The following SEPTIN4 variants were observed in gnomAD, a reference collection of about 807,000 sequenced individuals.
SEPTIN4 encodes the protein septin 4.
In SEPTIN4, 52 loss-of-function variants were observed where a neutral mutation model predicts 107.1. The observed-to-expected ratio is 0.49, with a 90% CI of 0.39 to 0.61. SEPTIN4 has a LOEUF of 0.61. Among genes scored for constraint, SEPTIN4 ranks in the 20% least tolerant of loss-of-function variants. SEPTIN4 has a pLI of 0.00. For synonymous variants in SEPTIN4, 417 were observed against 467.0 expected (o/e 0.89, Z 1.38); for missense variants, 1,048 against 1,243.5 (o/e 0.84, Z 2.36).
At position 58,521,497 on chromosome 17, in the gene SEPTIN4, T is replaced by A. The variant is rs767442831; in HGVS notation, c.2571+48A>T. ...AATATAGAATTCTACTCCCTTTTTC[T>A]ACCCGGAAGAAATAAGATAGGAATG... On this transcript the variant is annotated intron_variant, in intron 10 of 13. Transcript: ENST00000672673. The surrounding 1 kb of genome is among the most constrained non-coding windows in gnomAD (Gnocchi z 6.4). 4 of 1,601,630 alleles carry A rather than the reference T, an allele frequency of 2.5e-6. No homozygotes were observed. The Admixed American group carries it at 6.7e-5, about 27-fold the overall frequency.
Position 58,543,055 on chromosome 17 carries a change from T to C in SEPTIN4, c.1132A>G (p.Lys378Glu). The C allele has an allele frequency of 6.2e-7, 1 of 1,611,382 alleles. No individual in the cohort carries two copies. The highest frequency in any genetic ancestry group is 8.5e-7 in the Non-Finnish European group (1 of 1,178,990). The change falls in exon 1 of 14, where the codon AAA becomes GAA. Residue 378 changes from lysine (K) to glutamate (E), a missense_variant. This residue lies in a region of SEPTIN4 where 787 missense variants were observed against 871.8 expected (regional missense o/e 0.90). Transcript: ENST00000672673. Reference protein sequence around the residue: ...PEPIYKQQTQKPPEITYMSQG... With the variant: ...PEPIYKQQTQEPPEITYMSQG... Reference sequence around the variant, plus strand: ...GACATGTAAGTAATTTCTGGGGGTTTTTGGGTTTGCTGTTTATAGATGGGC... The same window carrying C: ...GACATGTAAGTAATTTCTGGGGGTTCTTGGGTTTGCTGTTTATAGATGGGC...
At chr17:58,536,566 A>C (rs2043719254) in intron 3 of SEPTIN4, among the ~76,000 whole-genome samples, 1 of 152,138 alleles carries the variant, frequency 6.6e-6, no homozygotes, top group South Asian at 2.1e-4. Context: ...AATTCCCAGA[A>C]ACAGCCACTG....
At chr17:58,524,109 G>A (rs2042572336) in intron 7 of SEPTIN4, among the ~76,000 whole-genome samples, 1 of 152,140 alleles carries the variant, frequency 6.6e-6, no homozygotes, top group African/African-American at 2.4e-5. Context: ...TCTTAGCACT[G>A]CCTGCCTAAC....
At position 58,526,742 on chromosome 17, in the gene SEPTIN4, G is replaced by A; in HGVS notation, c.1851C>T (p.Leu617=). 6.2e-7 allele frequency: 1 copy of A among 1,611,838 alleles called. No individual in the cohort carries two copies. ...NQQYFCAPAP[L]SPSARPRSPW... ...GGCTGCGGGGCCTGGCAGATGGGCT[G>A]AGAGGGGCTGGGGCACAGAAGTACT... Residue 617 remains leucine (L), a synonymous_variant, in exon 4 of 14, where the codon CTC becomes CTT. Coordinates refer to ENST00000672673, the MANE Select transcript of SEPTIN4 (RefSeq NM_001368771.2).
chr17:58,540,549 C>A, intron 3 of SEPTIN4, 117 bp downstream of exon 3: 1 of 791,044 alleles, frequency 1.3e-6, no homozygotes, highest in African/African-American at 1.8e-5. Flanking sequence ...ATCTGCCCAA[C>A]CATAGGGAGC....
intron 3 of SEPTIN4, chr17:58,527,717 C>T: frequency 2.0e-6 from 1 of 488,204 alleles, no homozygotes; most frequent in Non-Finnish European, 2.7e-6. Context: ...TGGGAGAGAC[C>T]AGGTGAGGGA....
rs1298323279 is a variant in SEPTIN4, at chr17:58,520,448, T to C, written c.2969A>G (p.Lys990Arg). 18 of 1,613,414 alleles carry C rather than the reference T, an allele frequency of 1.1e-5. No homozygotes were observed. The highest frequency in any genetic ancestry group is 1.5e-5 in the Non-Finnish European group (18 of 1,180,040). The change falls in exon 14 of 14, where the codon AAA becomes AGA. Residue 990 changes from lysine (K) to arginine (R), a missense_variant. This residue lies in a region of SEPTIN4 where 261 missense variants were observed against 371.7 expected (regional missense o/e 0.70). Coordinates refer to ENST00000672673, the MANE Select transcript of SEPTIN4 (RefSeq NM_001368771.2). ...RMQEMLHKIQ[K>R]QMKENY ...CAGTTAATAGTTCTCCTTCATCTGTTTTTGTATTTTGTGTAGCATCTCCTG... is the reference window on the plus strand; with the variant it reads ...CAGTTAATAGTTCTCCTTCATCTGTCTTTGTATTTTGTGTAGCATCTCCTG...
chr17:58,521,651 C>CA lies in SEPTIN4; in HGVS notation c.2470-6dup. 1 of 1,614,182 alleles carries CA rather than the reference C, an allele frequency of 6.2e-7. No individual in the cohort carries two copies. The highest frequency in any genetic ancestry group is 8.5e-7 in the Non-Finnish European group (1 of 1,180,010). ...ATGCTCAATCTCCTCCCGGATCTGA[C>CA]AAACAGATGAGGGGCCCACAGTTCT... On this transcript the variant is annotated splice_region_variant and splice_polypyrimidine_tract_variant and intron_variant, in intron 9 of 13. Coordinates refer to ENST00000672673, the MANE Select transcript of SEPTIN4 (RefSeq NM_001368771.2). The surrounding 1 kb of genome is among the most constrained non-coding windows in gnomAD (Gnocchi z 6.4).
Position 58,525,089 on chromosome 17 carries a change from G to A in SEPTIN4, c.2205C>T (p.Asn735=), listed in dbSNP as rs1402336641. The change falls in exon 7 of 14, where the codon AAC becomes AAT. Residue 735 remains asparagine (N), a synonymous_variant. Coordinates refer to ENST00000672673, the MANE Select transcript of SEPTIN4 (RefSeq NM_001368771.2). ...VDTPGFGDAV[N]NTECWKPVAE... Reference sequence around the variant, plus strand: ...TTACTCAGACATACCACTCTGTGTTGTTGACTGCATCCCCAAAACCTGGTG... The same window carrying A: ...TTACTCAGACATACCACTCTGTGTTATTGACTGCATCCCCAAAACCTGGTG... The A allele has an allele frequency of 6.2e-7, 1 of 1,614,192 alleles. No homozygotes were observed. Among genetic ancestry groups the A allele is most frequent in the East Asian group, 2.2e-5 (1 of 44,888 alleles).
chr17:58,526,141 C>T lies in SEPTIN4; in HGVS notation c.2005+79G>A, dbSNP rs975568270. ...CGCTGCTTGCTCCCTGCGACCTATACTCCCTTCCCACTCACGGACACACAC... is the reference window on the plus strand; with the variant it reads ...CGCTGCTTGCTCCCTGCGACCTATATTCCCTTCCCACTCACGGACACACAC... On this transcript the variant is annotated intron_variant, in intron 5 of 13. Coordinates refer to ENST00000672673, the MANE Select transcript of SEPTIN4 (RefSeq NM_001368771.2). 7 of 1,348,592 alleles carry T rather than the reference C, an allele frequency of 5.2e-6. No homozygotes were observed. In the Admixed American group the frequency reaches 8.5e-5, roughly 16 times the overall value. The allele number at this position is 1,348,592 out of a possible 1,614,324, so 83.5% of individuals were successfully genotyped here.
rs1012614729 is a variant in SEPTIN4 at position 58,529,260 on chromosome 17, G to T, written c.1615-2282C>A. The T allele has an allele frequency of 1.9e-6, 3 of 1,610,924 alleles. No homozygotes were observed. The African/African-American group carries it at 4.0e-5, about 22-fold the overall frequency. ...GTTCCTCACACACAGAAACAGCCTTGTTTTGATGCTGTTGTTGTCTGGCTT... is the reference window on the plus strand; with the variant it reads ...GTTCCTCACACACAGAAACAGCCTTTTTTTGATGCTGTTGTTGTCTGGCTT... On this transcript the variant is annotated intron_variant, in intron 3 of 13. Transcript: ENST00000672673.
In SEPTIN4 at chr17:58,543,035, G is replaced by T; in HGVS notation, c.1152C>A (p.Tyr384Ter). 6.2e-7 allele frequency: 1 copy of T among 1,611,058 alleles called. No individual in the cohort carries two copies. The highest frequency in any genetic ancestry group is 8.5e-7 in the Non-Finnish European group (1 of 1,178,872). Residue 384 changes from tyrosine (Y) to a stop codon, truncating the protein, a stop_gained, in exon 1 of 14, where the codon TAC (tyrosine) becomes TAA (stop). Coordinates refer to ENST00000672673, the MANE Select transcript of SEPTIN4 (RefSeq NM_001368771.2). LOFTEE classifies it high-confidence loss of function. ...QQTQKPPEIT[Y>*]MSQGPTPRYP... ...ACCTGGGTGTAGGTCCTTGGGACATGTAAGTAATTTCTGGGGGTTTTTGGG... is the reference window on the plus strand; with the variant it reads ...ACCTGGGTGTAGGTCCTTGGGACATTTAAGTAATTTCTGGGGGTTTTTGGG...
At position 58,543,131 on chromosome 17, in the gene SEPTIN4, A is replaced by G. The variant is rs757071836; in HGVS notation, c.1056T>C (p.Val352=). The change falls in exon 1 of 14, where the codon GTT becomes GTC. Residue 352 remains valine, a synonymous_variant. Coordinates refer to ENST00000672673, the MANE Select transcript of SEPTIN4 (RefSeq NM_001368771.2). ...TGTGGGAGCCCTCAGACACTGATGG[A>G]ACTGTCACATGGTGAGTTGGCTCTA... ...QSVEPTHHVT[V]PSVSEGSHKS... The G allele has an allele frequency of 5.0e-6, 8 of 1,612,322 alleles. No homozygotes were observed. Among genetic ancestry groups the G allele is most frequent in the Non-Finnish European group, 5.9e-6 (7 of 1,178,734 alleles).
rs997608863 is a variant in SEPTIN4, at chr17:58,531,902, G to T, written c.1615-4924C>A. The T allele has an allele frequency of 8.0e-6, 9 of 1,125,394 alleles. No individual in the cohort carries two copies. The South Asian group carries it at 1.7e-4, about 21-fold the overall frequency. The allele number at this position is 1,125,394 out of a possible 1,614,324, so 69.7% of individuals were successfully genotyped here. On this transcript the variant is annotated intron_variant, in intron 3 of 13. Coordinates refer to ENST00000672673, the MANE Select transcript of SEPTIN4 (RefSeq NM_001368771.2). Reference sequence around the variant, plus strand: ...GGTCCCCTTGCAGCCGCCCGGGAGCGACCGGCCCTGCGCACCCCAGCCCTG... The same window carrying T: ...GGTCCCCTTGCAGCCGCCCGGGAGCTACCGGCCCTGCGCACCCCAGCCCTG...
chr17:58,526,678 C>G lies in SEPTIN4; in HGVS notation c.1911+4G>C. The G allele has an allele frequency of 2.6e-6, 4 of 1,557,860 alleles. No homozygotes were observed. The highest frequency in any genetic ancestry group is 3.5e-6 in the Non-Finnish European group (4 of 1,157,286). ...AAAGGCAAAGGCAGGGCTGGAGGCT[C>G]TACCTCAGAGGAATCATAGGGATCA... On this transcript the variant is annotated splice_donor_region_variant and intron_variant, in intron 4 of 13. Transcript: ENST00000672673.
At chr17:58,529,388 C>A in intron 3 of SEPTIN4, 1 of 1,429,330 alleles carries the variant, frequency 7.0e-7, no homozygotes, top group Non-Finnish European at 9.2e-7. Flanking sequence ...TCCTCCCCTT[C>A]CCTTGGCTCC....
chr17:58,524,282 G>A (rs537680268), intron 7 of SEPTIN4, among the ~76,000 whole-genome samples: 2 of 152,218 alleles, frequency 1.3e-5, no homozygotes, highest in African/African-American at 2.4e-5. Context: ...AAAAAAGCCC[G>A]AATGATAGGG....
At chr17:58,532,179 G>A in intron 3 of SEPTIN4, 1 of 882,582 alleles carries the variant, frequency 1.1e-6, no homozygotes, top group Non-Finnish European at 1.4e-6. Flanking sequence ...GGGTCGGGGT[G>A]CCCAGCTGGG....
chr17:58,533,832 G>T (rs1766544789), intron 3 of SEPTIN4, among the ~76,000 whole-genome samples: 2 of 152,230 alleles, frequency 1.3e-5, no homozygotes. Flanking sequence ...ACTCATGTAT[G>T]CACTCTAAGA....
Sources: allele counts gnomAD v4.1 joint callset (sites outside exome capture counted in the v4.1 genomes callset), GRCh38; gene constraint gnomAD v4.1.1; regional missense constraint gnomAD v4.1.1; non-coding constraint Gnocchi (gnomAD v3.1); transcripts MANE v1.5; gene names NCBI Gene and HGNC (gene_info 2026-07-23, HGNC 2026-07-21).